The following STS variants were observed in gnomAD, a reference collection of about 807,000 sequenced individuals.
STS encodes steryl-sulfatase.
STS carries 7 observed loss-of-function variants against 26.8 expected under a neutral mutation model. The ratio of observed to expected loss-of-function variants is 0.26; its 90% CI spans 0.15 to 0.49. The LOEUF (loss-of-function observed/expected upper bound fraction) is 0.49. STS is among the 20% of genes least tolerant of loss of function. The pLI is 0.98. For missense variants in STS, 434 were observed against 465.6 expected (o/e 0.93, Z 0.63); for synonymous variants, 199 against 189.4 (o/e 1.05, Z -0.42).
chrX:7,273,948 G>A (rs1924406794), intron 6 of STS, among the ~76,000 whole-genome samples: 1 of 111,364 alleles, frequency 9.0e-6, no homozygotes, highest in African/African-American at 3.3e-5. Flanking sequence ...TCCTGGAAAA[G>A]GGGAACAGGC....
At chrX:7,215,275 A>T (rs1921263686) in intron 2 of STS, among the ~76,000 whole-genome samples, 1 of 107,340 alleles carries the variant, frequency 9.3e-6, no homozygotes, top group African/African-American at 3.4e-5. Flanking sequence ...TTTTTGTATA[A>T]TGACTTCTTT....
At chrX:7,323,200 C>G (rs1015634239) in intron 8 of STS, among the ~76,000 whole-genome samples, 2 of 110,568 alleles carry the variant, frequency 1.8e-5, no homozygotes, top group Non-Finnish European at 3.8e-5. Context: ...TCATTGACCA[C>G]AAATTTAGTG....
chrX:7,231,917 C>T (rs1922080038), intron 2 of STS, among the ~76,000 whole-genome samples: 1 of 108,592 alleles, frequency 9.2e-6, no homozygotes. Context: ...ATAGTCGCCA[C>T]TCACCCATGA....
intron 8 of STS, among the ~76,000 whole-genome samples, chrX:7,317,923 C>T (rs1345579335): frequency 3.6e-5 from 4 of 111,797 alleles, no homozygotes; most frequent in African/African-American, 1.3e-4. Flanking sequence ...TTCTGTAGGG[C>T]GTAATCTCCA....
rs1195436433 is a variant in STS at position 7,237,704 on chromosome X, G to A, written c.-4-15492G>A. Among the ~76,000 whole-genome samples, 4 of 111,154 alleles carry A rather than the reference G, an allele frequency of 3.6e-5. No individual in the cohort carries two copies. The East Asian group carries it at 1.1e-3, about 32-fold the overall frequency. On this transcript the variant is annotated intron_variant, in intron 2 of 10. Coordinates refer to ENST00000674429, the MANE Select transcript of STS (RefSeq NM_001320752.2). ...CTTATTTTTATTTTTATGGATTTAG[G>A]AGTACAAGTGTGGTTGTGTTACATG...
At chrX:7,167,308 C>T (rs1261763829) in intron 1 of STS, among the ~76,000 whole-genome samples, 1 of 111,165 alleles carries the variant, frequency 9.0e-6, no homozygotes, top group Non-Finnish European at 1.9e-5. Flanking sequence ...CTCTGCCTCC[C>T]GGGTTCCAGC....
At chrX:7,333,780 G>T (rs1927873805) in intron 9 of STS, among the ~76,000 whole-genome samples, 1 of 112,867 alleles carries the variant, frequency 8.9e-6, no homozygotes, top group South Asian at 3.6e-4. Context: ...GATGACAGTA[G>T]TTCCAGCTCA....
At chrX:7,328,853 G>A (rs901340629) in intron 9 of STS, among the ~76,000 whole-genome samples, 3 of 110,831 alleles carry the variant, frequency 2.7e-5, no homozygotes, top group Non-Finnish European at 5.7e-5. Flanking sequence ...GCACCATCAC[G>A]CCCAGCTAAT....
intron 1 of STS, among the ~76,000 whole-genome samples, chrX:7,154,727 A>G (rs983515656): frequency 8.9e-6 from 1 of 111,886 alleles, no homozygotes; most frequent in Non-Finnish European, 1.9e-5. Context: ...CTTATGTTGT[A>G]TGTAAGCAAT....
At chrX:7,324,360 G>C (rs1033633361) in intron 8 of STS, among the ~76,000 whole-genome samples, 1 of 110,959 alleles carries the variant, frequency 9.0e-6, no homozygotes, top group Admixed American at 9.7e-5. Context: ...AGAGAGAACA[G>C]ATTGTACGTG....
chrX:7,304,395 A>G (rs1569218963), intron 7 of STS, among the ~76,000 whole-genome samples: 7 of 111,236 alleles, frequency 6.3e-5, no homozygotes, highest in Admixed American at 4.8e-4. Context: ...TGGAGGTGGT[A>G]TACAATGTTA....
intron 2 of STS, among the ~76,000 whole-genome samples, chrX:7,240,755 G>A (rs1275256385): frequency 1.8e-5 from 2 of 108,139 alleles, no homozygotes; most frequent in Non-Finnish European, 3.8e-5. Context: ...GTCTCAAATC[G>A]GCTCAGTTCT....
intron 7 of STS, among the ~76,000 whole-genome samples, chrX:7,299,159 A>C (rs1925828897): frequency 1.0e-5 from 1 of 95,872 alleles, no homozygotes; most frequent in Non-Finnish European, 2.0e-5. Flanking sequence ...AAATTGTATA[A>C]TTAAAATTTA....
At chrX:7,210,917 A>ATATG (rs1416098844) in intron 2 of STS, among the ~76,000 whole-genome samples, 1 of 110,950 alleles carries the variant, frequency 9.0e-6, no homozygotes, top group Non-Finnish European at 1.9e-5. Flanking sequence ...TTTTATATAT[A>ATATG]TATGTATGTA....
At chrX:7,332,158 C>T (rs182720197) in intron 9 of STS, among the ~76,000 whole-genome samples, 42 of 107,482 alleles carry the variant, frequency 3.9e-4, no homozygotes, top group Non-Finnish European at 7.3e-4. Context: ...CTGGGCAAAT[C>T]GCTCCAAAAA....
intron 2 of STS, among the ~76,000 whole-genome samples, chrX:7,222,306 A>T (rs1332333290): frequency 8.9e-6 from 1 of 111,750 alleles, no homozygotes; most frequent in Non-Finnish European, 1.9e-5. Context: ...AATTAAGTAG[A>T]ATTGTGTAAT....
chrX:7,318,938 G>A (rs2147154170), intron 8 of STS, among the ~76,000 whole-genome samples: 1 of 111,753 alleles, frequency 8.9e-6, no homozygotes, highest in African/African-American at 3.2e-5. Context: ...ATCTCTGGCA[G>A]GCTGTGATAT....
rs1206430164 is a variant in STS, at chrX:7,288,946, C to A, written c.943+12859C>A. On this transcript the variant is annotated intron_variant, in intron 7 of 10. Transcript: ENST00000674429. ...CCATGAGGTCCAGCATTGGCTGATT[C>A]ATCTAGCTAGATCCACCCTTGAGTG... Among the ~76,000 whole-genome samples the A allele has an allele frequency of 3.6e-5, 4 of 111,593 alleles. No homozygotes were observed. In the Admixed American group the frequency reaches 3.8e-4, roughly 11 times the overall value.
intron 6 of STS, among the ~76,000 whole-genome samples, chrX:7,260,517 T>A (rs1170230897): frequency 8.9e-6 from 1 of 112,020 alleles, no homozygotes; most frequent in Non-Finnish European, 1.9e-5. Context: ...GTGATTCTCC[T>A]GCCTTAGCCT....
Sources: allele counts gnomAD v4.1 joint callset (sites outside exome capture counted in the v4.1 genomes callset), GRCh38; gene constraint gnomAD v4.1.1; transcripts MANE v1.5; gene names NCBI Gene and HGNC (gene_info 2026-07-23, HGNC 2026-07-21).